The following RASGEF1A variants were observed in gnomAD, a reference collection of about 807,000 sequenced individuals.
The protein encoded by RASGEF1A is RasGEF domain family member 1A, also known as ras-GEF domain-containing family member 1A.
A neutral mutation model predicts 56.4 loss-of-function variants in RASGEF1A; 18 were observed. That is an observed-to-expected ratio of 0.32 (90% CI 0.22 to 0.47). RASGEF1A has a LOEUF of 0.47. Among genes scored for constraint, RASGEF1A ranks in the 20% least tolerant of loss-of-function variants. RASGEF1A has a pLI of 1.00. For synonymous variants in RASGEF1A, 245 were observed against 242.6 expected (o/e 1.01, Z -0.09); for missense variants, 422 against 627.1 (o/e 0.67, Z 3.49).
At chr10:43,213,783 T>C (rs570164179) in intron 1 of RASGEF1A, among the ~76,000 whole-genome samples, 4 of 151,490 alleles carry the variant, frequency 2.6e-5, no homozygotes, top group Non-Finnish European at 5.9e-5. Context: ...TACACCACCA[T>C]GCCCAGCTAA....
At chr10:43,215,975 C>T (rs533759867) in intron 1 of RASGEF1A, among the ~76,000 whole-genome samples, 1 of 152,212 alleles carries the variant, frequency 6.6e-6, no homozygotes, top group Non-Finnish European at 1.5e-5. Flanking sequence ...TGGACAGAAG[C>T]GCTGGCGCCA....
At chr10:43,240,240 AGATAACT>A (rs1840484815) in intron 1 of RASGEF1A, among the ~76,000 whole-genome samples, 2 of 152,212 alleles carry the variant, frequency 1.3e-5, no homozygotes, top group African/African-American at 4.8e-5. Flanking sequence ...TTGACCGCTA[AGATAACT>A]GAGCAGAGAT....
At chr10:43,207,562 G>A (rs1840014579) in intron 1 of RASGEF1A, 3 of 985,424 alleles carry the variant, frequency 3.0e-6, no homozygotes, top group Non-Finnish European at 3.6e-6. Context: ...GGCAAGGAGA[G>A]CAAGAACGCA....
rs373640232 is a variant in RASGEF1A, at chr10:43,199,028, G to C, written c.953-16C>G. On this transcript the variant is annotated splice_polypyrimidine_tract_variant and intron_variant, in intron 8 of 12. Transcript: ENST00000395810. Reference sequence around the variant, plus strand: ...TTCATGCCAGCTGCAGAGGACAGCAGGTAGGGTCAGGGCCGGGGGGGTGGG... The same window carrying C: ...TTCATGCCAGCTGCAGAGGACAGCACGTAGGGTCAGGGCCGGGGGGGTGGG... 1.2e-5 allele frequency: 19 copies of C among 1,611,792 alleles called. No homozygotes were observed. The highest frequency in any genetic ancestry group is 2.5e-6 in the Non-Finnish European group (3 of 1,178,514).
rs552541273 is a variant in RASGEF1A, at chr10:43,209,684, C to G, written c.-6-3562G>C. 6.2e-4 allele frequency among the ~76,000 whole-genome samples: 88 copies of G among 143,032 alleles called. No individual in the cohort carries two copies. The East Asian group carries it at 0.019, about 31-fold the overall frequency. The allele number at this position is 143,032 out of a possible 152,430, so 93.8% of individuals were successfully genotyped here. Reference sequence around the variant, plus strand: ...GGGCACTGTGGAGAGCTCAGGAAGCCCCCCCACCAGGGCTAGGCAGAGATA... The same window carrying G: ...GGGCACTGTGGAGAGCTCAGGAAGCGCCCCCACCAGGGCTAGGCAGAGATA... On this transcript the variant is annotated intron_variant, in intron 1 of 12. Transcript: ENST00000395810.
Position 43,196,957 on chromosome 10 carries a change from G to C in RASGEF1A, c.1348+19C>G, listed in dbSNP as rs142993027. 6 of 1,611,702 alleles carry C rather than the reference G, an allele frequency of 3.7e-6. No homozygotes were observed. The highest frequency in any genetic ancestry group is 5.1e-6 in the Non-Finnish European group (6 of 1,179,548). ...TCAGGTGGGGTGGGAGGCATGCTGC[G>C]TTGGGAGGCAGCCCTCACCTTCCTC... On this transcript the variant is annotated intron_variant, in intron 11 of 12. Transcript: ENST00000395810. The surrounding 1 kb of genome is among the most constrained non-coding windows in gnomAD (Gnocchi z 4.6).
intron 1 of RASGEF1A, among the ~76,000 whole-genome samples, chr10:43,233,490 A>T (rs1840397102): frequency 6.6e-6 from 1 of 152,246 alleles, no homozygotes; most frequent in Non-Finnish European, 1.5e-5. Context: ...TTTCACTGAA[A>T]GAAGGCTATC....
intron 1 of RASGEF1A, among the ~76,000 whole-genome samples, chr10:43,219,578 G>A (rs1173090428): frequency 2.6e-5 from 4 of 152,198 alleles, no homozygotes; most frequent in African/African-American, 9.6e-5. Context: ...GGCCCACCCG[G>A]GCACACTGCC....
intron 2 of RASGEF1A, among the ~76,000 whole-genome samples, chr10:43,204,586 C>T (rs1363185661): frequency 6.6e-6 from 1 of 152,120 alleles, no homozygotes; most frequent in Non-Finnish European, 1.5e-5. Context: ...TGTGCATCTC[C>T]AAGGAGGAGC....
At chr10:43,262,379 T>C (rs961620693) in intron 1 of RASGEF1A, among the ~76,000 whole-genome samples, 1 of 152,108 alleles carries the variant, frequency 6.6e-6, no homozygotes, top group Non-Finnish European at 1.5e-5. Flanking sequence ...GGTGCTGGCC[T>C]CCCAGCCCCA....
At chr10:43,205,889 G>T (rs377586940) in intron 2 of RASGEF1A, 30 bp downstream of exon 2, 2 of 1,572,318 alleles carry the variant, frequency 1.3e-6, no homozygotes, top group Non-Finnish European at 1.7e-6. Context: ...CACCCCATTA[G>T]TCTCACTCCA....
intron 1 of RASGEF1A, chr10:43,206,718 G>A (rs1380497011): frequency 1.3e-5 from 13 of 986,816 alleles, no homozygotes; most frequent in Non-Finnish European, 1.6e-5. Context: ...TCTTGCCACA[G>A]CCCAAGGAGA....
chr10:43,259,108 C>A (rs1004788994), intron 1 of RASGEF1A, among the ~76,000 whole-genome samples: 3 of 152,250 alleles, frequency 2.0e-5, no homozygotes, highest in Non-Finnish European at 4.4e-5. Context: ...GCCAGCACAA[C>A]ACTTGGTCCC....
At chr10:43,253,682 G>A (rs1170002086) in intron 1 of RASGEF1A, among the ~76,000 whole-genome samples, 1 of 152,210 alleles carries the variant, frequency 6.6e-6, no homozygotes, top group African/African-American at 2.4e-5. Flanking sequence ...TCCCACAGGG[G>A]ACGGGGACCT....
intron 1 of RASGEF1A, among the ~76,000 whole-genome samples, chr10:43,243,023 G>A (rs990706432): frequency 7.9e-5 from 12 of 150,960 alleles, no homozygotes; most frequent in African/African-American, 2.0e-4. Flanking sequence ...CCCTCTGCCC[G>A]CCCGACCCAT....
rs1839862819 is a variant in RASGEF1A, at chr10:43,199,703, G to A, written c.822C>T (p.Ser274=). The part of the protein sequence containing the change: ...EAYDNWFNCL[S]MLVATEVCRV... The stretch of plus-strand genomic sequence containing the variant: ...GGCACACCTCAGTGGCCACCAGCAT[G>A]CTCAGGCAGTTGAACCAGTTGTCAT... The change falls in exon 7 of 13, where the codon AGC becomes AGT. Residue 274 remains serine (S), a synonymous_variant. Coordinates refer to ENST00000395810, the MANE Select transcript of RASGEF1A (RefSeq NM_145313.4). 1 of 1,613,692 alleles carries A rather than the reference G, an allele frequency of 6.2e-7. No individual in the cohort carries two copies. Among genetic ancestry groups the A allele is most frequent in the Middle Eastern group, 1.6e-4 (1 of 6,062 alleles).
At chr10:43,239,557 T>C (rs752923936) in intron 1 of RASGEF1A, among the ~76,000 whole-genome samples, 15 of 152,230 alleles carry the variant, frequency 9.9e-5, no homozygotes, top group South Asian at 2.1e-4. Context: ...TCAGTAAGAA[T>C]TGCAAATTTT....
chr10:43,215,505 A>G (rs1321163757), intron 1 of RASGEF1A, among the ~76,000 whole-genome samples: 1 of 152,094 alleles, frequency 6.6e-6, no homozygotes, highest in Non-Finnish European at 1.5e-5. Flanking sequence ...GAGGGGAGAG[A>G]CCTGCGCACC....
At chr10:43,235,578 C>T (rs1418284131) in intron 1 of RASGEF1A, among the ~76,000 whole-genome samples, 1 of 152,244 alleles carries the variant, frequency 6.6e-6, no homozygotes, top group East Asian at 1.9e-4. Flanking sequence ...GCTAAAAAGG[C>T]AGTGCCAAGG....
Sources: gnomAD v4.1 joint callset for allele counts (sites outside exome capture counted in the v4.1 genomes callset) on GRCh38, gnomAD v4.1.1 for gene constraint, Gnocchi (gnomAD v3.1) non-coding constraint, MANE v1.5 for transcripts, NCBI Gene and HGNC (gene_info 2026-07-23, HGNC 2026-07-21) for gene names.